The following AGBL1 variants were observed in gnomAD, a reference collection of about 807,000 sequenced individuals.
AGBL1 encodes cytosolic carboxypeptidase 4.
A neutral mutation model predicts 118.9 loss-of-function variants in AGBL1; 130 were observed. The ratio of observed to expected loss-of-function variants is 1.09; its 90% CI spans 0.95 to 1.26. The LOEUF (loss-of-function observed/expected upper bound fraction) is 1.26. Ranked by LOEUF, AGBL1 falls within the 50% of genes most tolerant of loss-of-function variation. The pLI, the probability that AGBL1 is intolerant of heterozygous loss-of-function variation, is 0.00. For missense variants in AGBL1, 1,584 were observed against 1,298.1 expected (o/e 1.22, Z -3.38); for synonymous variants, 555 against 478.9 (o/e 1.16, Z -2.08).
intron 5 of AGBL1, among the ~76,000 whole-genome samples, chr15:86,218,167 A>G (rs1034974469): frequency 6.6e-6 from 1 of 152,342 alleles, no homozygotes; most frequent in Middle Eastern, 3.4e-3. Flanking sequence ...AGACCCTCAC[A>G]TGCTTAGGCT....
chr15:86,969,186 T>C (rs1434505539), intron 23 of AGBL1, among the ~76,000 whole-genome samples: 3 of 151,910 alleles, frequency 2.0e-5, no homozygotes, highest in Non-Finnish European at 4.4e-5. Context: ...CTAAATCAGG[T>C]GTGGGTGAGA....
intron 22 of AGBL1, among the ~76,000 whole-genome samples, chr15:86,757,407 C>T (rs575013218): frequency 9.2e-5 from 14 of 152,196 alleles, no homozygotes; most frequent in Middle Eastern, 3.4e-3. Flanking sequence ...TAATGTCCTC[C>T]TGTGAACTAG....
intron 18 of AGBL1, among the ~76,000 whole-genome samples, chr15:86,457,290 G>A (rs1448087967): frequency 6.6e-6 from 1 of 152,058 alleles, no homozygotes; most frequent in Non-Finnish European, 1.5e-5. Context: ...TTTTTTTGTG[G>A]CATGAACAAA....
intron 24 of AGBL1, among the ~76,000 whole-genome samples, chr15:87,013,718 C>G (rs375862482): frequency 5.9e-5 from 9 of 152,172 alleles, no homozygotes; most frequent in African/African-American, 2.2e-4. Flanking sequence ...ATGAGGTTAC[C>G]CGACTGAAGA....
chr15:86,658,809 G>A (rs1596344353), intron 21 of AGBL1, among the ~76,000 whole-genome samples: 1 of 152,056 alleles, frequency 6.6e-6, no homozygotes, highest in East Asian at 1.9e-4. Context: ...TTGATTTAGG[G>A]AAAAAACGTG....
chr15:86,554,254 C>T (rs191025176), intron 20 of AGBL1, 107 bp from the exon 21 acceptor site: 18 of 948,442 alleles, frequency 1.9e-5, no homozygotes, highest in Admixed American at 1.7e-4. Flanking sequence ...TTTAAAGTAA[C>T]GAGTATTTTA....
At chr15:86,899,482 G>A (rs553967157) in intron 22 of AGBL1, among the ~76,000 whole-genome samples, 23 of 152,206 alleles carry the variant, frequency 1.5e-4, no homozygotes, top group African/African-American at 4.6e-4. Flanking sequence ...GAACCCCCAT[G>A]ACACAAGTTT....
At chr15:86,136,648 T>A (rs557975800) in intron 1 of AGBL1, among the ~76,000 whole-genome samples, 1 of 152,212 alleles carries the variant, frequency 6.6e-6, no homozygotes, top group Admixed American at 6.5e-5. Context: ...GTACCCATGA[T>A]ACTCTTGGTA....
At chr15:87,002,502 C>T (rs1435584972) in intron 24 of AGBL1, among the ~76,000 whole-genome samples, 3 of 151,842 alleles carry the variant, frequency 2.0e-5, no homozygotes, top group African/African-American at 7.3e-5. Context: ...TCGTTTTTTC[C>T]AATTCTGTGA....
At chr15:86,386,409 A>G (rs1377404383) in intron 17 of AGBL1, among the ~76,000 whole-genome samples, 2 of 149,570 alleles carry the variant, frequency 1.3e-5, no homozygotes, top group Non-Finnish European at 3.0e-5. Context: ...ATTTTATGCT[A>G]GACGAGGGGT....
chr15:86,419,536 T>G (rs1194766549), intron 18 of AGBL1, among the ~76,000 whole-genome samples: 1 of 151,852 alleles, frequency 6.6e-6, no homozygotes, highest in Non-Finnish European at 1.5e-5. Flanking sequence ...GGGTGGCTGT[T>G]TGGGCAGACA....
At chr15:86,773,896 G>C (rs937626448) in intron 22 of AGBL1, among the ~76,000 whole-genome samples, 7 of 152,116 alleles carry the variant, frequency 4.6e-5, no homozygotes, top group African/African-American at 1.7e-4. Context: ...GCCTCTGACA[G>C]ATGGGAACCT....
chr15:86,874,795 C>T (rs992471095), intron 22 of AGBL1, among the ~76,000 whole-genome samples: 19 of 152,176 alleles, frequency 1.2e-4, no homozygotes, highest in African/African-American at 4.1e-4. Flanking sequence ...AAGAGCACAA[C>T]ACATATGAAC....
At chr15:86,696,849 A>G (rs533110299) in intron 22 of AGBL1, among the ~76,000 whole-genome samples, 2 of 151,912 alleles carry the variant, frequency 1.3e-5, no homozygotes, top group Non-Finnish European at 2.9e-5. Context: ...TATTTCCTTC[A>G]TTTATGAAGC....
intron 17 of AGBL1, among the ~76,000 whole-genome samples, chr15:86,367,705 T>C (rs2080911436): frequency 6.6e-6 from 1 of 152,200 alleles, no homozygotes; most frequent in South Asian, 2.1e-4. Context: ...CCTCCTCCCA[T>C]ATTTACAAGT....
At chr15:86,197,341 G>A (rs951846890) in intron 5 of AGBL1, among the ~76,000 whole-genome samples, 5 of 152,200 alleles carry the variant, frequency 3.3e-5, no homozygotes, top group African/African-American at 9.7e-5. Context: ...AATAAGTGCA[G>A]CGCGATGGAA....
Position 86,358,317 on chromosome 15 carries a change from A to G in AGBL1, c.2375-39049A>G, listed in dbSNP as rs145485460. Among the ~76,000 whole-genome samples, 88 of 152,190 alleles carry G rather than the reference A, an allele frequency of 5.8e-4. 1 individual carries two copies. Among genetic ancestry groups the G allele is most frequent in the African/African-American group, 2.0e-3 (82 of 41,558 alleles). On this transcript the variant is annotated intron_variant, in intron 17 of 22. Transcript: ENST00000614907. ...CTGACTCTGGCTTATTTTACTTAAC[A>G]TAATATCCTTCAGGTTCATCCATAC...
chr15:86,441,676 G>GGTT (rs776299539), intron 18 of AGBL1, among the ~76,000 whole-genome samples: 4 of 152,230 alleles, frequency 2.6e-5, no homozygotes, highest in Non-Finnish European at 5.9e-5. Context: ...TATTGGAAGA[G>GGTT]GTTGGGTAGC....
chr15:86,673,604 C>T (rs772864099), intron 21 of AGBL1, among the ~76,000 whole-genome samples: 5 of 152,076 alleles, frequency 3.3e-5, no homozygotes, highest in Non-Finnish European at 5.9e-5. Context: ...GGTAAGGATC[C>T]GCTGAGTTAA....
Sources: allele counts gnomAD v4.1 joint callset (sites outside exome capture counted in the v4.1 genomes callset), GRCh38; gene constraint gnomAD v4.1.1; transcripts MANE v1.5; gene names NCBI Gene and HGNC (gene_info 2026-07-23, HGNC 2026-07-21).